The following PRR5L variants were observed in gnomAD, a reference collection of about 807,000 sequenced individuals.
PRR5L encodes the protein proline rich 5 like, also known as proline-rich protein 5-like.
In PRR5L, 21 loss-of-function variants were observed where a neutral mutation model predicts 36.4. The observed-to-expected ratio is 0.58, with a 90% CI of 0.41 to 0.83. The LOEUF (loss-of-function observed/expected upper bound fraction) is 0.83. Ranked by LOEUF, PRR5L falls within the 40% of genes least tolerant of loss-of-function variation. PRR5L has a pLI of 0.00. For missense variants in PRR5L, 381 were observed against 473.3 expected (o/e 0.80, Z 1.81); for synonymous variants, 188 against 197.0 (o/e 0.95, Z 0.38).
chr11:36,361,156 AT>A (rs1857083418), intron 1 of PRR5L, among the ~76,000 whole-genome samples: 1 of 152,140 alleles, frequency 6.6e-6, no homozygotes, highest in Admixed American at 6.5e-5. Flanking sequence ...TTAATATATT[AT>A]TTGCCTTTTC....
At chr11:36,310,488 G>T (rs997025212) in intron 1 of PRR5L, among the ~76,000 whole-genome samples, 3 of 152,142 alleles carry the variant, frequency 2.0e-5, no homozygotes, top group African/African-American at 7.2e-5. Context: ...AATTTATTTG[G>T]AAGGTTACTG....
At chr11:36,388,207 C>T (rs1463070850) in intron 1 of PRR5L, 1 of 152,212 alleles carries the variant, frequency 6.6e-6, no homozygotes, top group Non-Finnish European at 1.5e-5. Context: ...TATGTTCCTG[C>T]ACAGGGTCAC....
rs1858214638 is a variant in PRR5L, at chr11:36,419,317, A to T, written c.294+14A>T. 2 of 1,611,602 alleles carry T rather than the reference A, an allele frequency of 1.2e-6. No individual in the cohort carries two copies. Among genetic ancestry groups the T allele is most frequent in the African/African-American group, 2.7e-5 (2 of 74,822 alleles). On this transcript the variant is annotated intron_variant, in intron 4 of 8. Coordinates refer to ENST00000530639, the MANE Select transcript of PRR5L (RefSeq NM_001160167.2). ...GACTATTTTCAGGTAAGCTGTGTGG[A>T]TCTGAGCATCCATCATTATCATGCA...
At position 36,377,079 on chromosome 11, in the gene PRR5L, ACT is replaced by A. The variant is rs1277720045; in HGVS notation, c.-125-23912_-125-23911del. ...TCGAAAAAGAAAGTCGGCTTGTTTG[ACT>A]CTCTCGTTCTCCCTCTGGGGGGCAA... On this transcript the variant is annotated intron_variant, in intron 1 of 8. Coordinates refer to ENST00000530639, the MANE Select transcript of PRR5L (RefSeq NM_001160167.2). This position sits in a 1 kb window ranked among gnomAD's most constrained non-coding sequence, Gnocchi z 5.1. Among the ~76,000 whole-genome samples, 1 of 151,000 alleles carries A rather than the reference ACT, an allele frequency of 6.6e-6. No individual in the cohort carries two copies. The highest frequency in any genetic ancestry group is 2.4e-5 in the African/African-American group (1 of 41,052).
chr11:36,306,137 T>G (rs779358803), intron 1 of PRR5L, among the ~76,000 whole-genome samples: 2 of 152,174 alleles, frequency 1.3e-5, no homozygotes, highest in Non-Finnish European at 2.9e-5. Flanking sequence ...CTAGGGTACA[T>G]GTGCACAACG....
intron 1 of PRR5L, among the ~76,000 whole-genome samples, chr11:36,353,726 A>T (rs931609961): frequency 6.6e-6 from 1 of 152,202 alleles, no homozygotes; most frequent in African/African-American, 2.4e-5. Context: ...TAGCGCTCCT[A>T]TAAGAATTTA....
intron 1 of PRR5L, among the ~76,000 whole-genome samples, chr11:36,328,094 A>T (rs1856683171): frequency 6.6e-6 from 1 of 152,234 alleles, no homozygotes; most frequent in Non-Finnish European, 1.5e-5. Context: ...ACAGATTAGC[A>T]ATATTCATGT....
intron 1 of PRR5L, among the ~76,000 whole-genome samples, chr11:36,398,047 G>C (rs1590534119): frequency 6.6e-6 from 1 of 152,112 alleles, no homozygotes; most frequent in African/African-American, 2.4e-5. Flanking sequence ...CACCCACCTC[G>C]GCCTCCCAAA....
intron 1 of PRR5L, among the ~76,000 whole-genome samples, chr11:36,369,374 T>G (rs1391505677): frequency 6.6e-6 from 1 of 152,110 alleles, no homozygotes; most frequent in Non-Finnish European, 1.5e-5. Context: ...AAGGACACTT[T>G]GATTGGCACA....
At chr11:36,449,643 G>T (rs1858903903) in intron 7 of PRR5L, among the ~76,000 whole-genome samples, 1 of 152,168 alleles carries the variant, frequency 6.6e-6, no homozygotes, top group Non-Finnish European at 1.5e-5. Context: ...GTACTCAGAG[G>T]ACCCTGAGCT....
chr11:36,446,335 G>A lies in PRR5L; in HGVS notation c.480G>A (p.Leu160=), dbSNP rs1265684729. ...QELTIRQISL[L]GFRDLVLLKV... is the part of the protein sequence containing the mutation. ...TGACTATCCGCCAGATCTCCCTGCT[G>A]GGCTTCCGAGACCTAGTCTTGCTGA... Residue 160 remains leucine, a synonymous_variant, in exon 7 of 9, where the codon CTG becomes CTA. Coordinates refer to ENST00000530639, the MANE Select transcript of PRR5L (RefSeq NM_001160167.2). The A allele has an allele frequency of 1.9e-6, 3 of 1,614,050 alleles. No homozygotes were observed.
chr11:36,364,098 G>C (rs1045113801), intron 1 of PRR5L, among the ~76,000 whole-genome samples: 2 of 152,124 alleles, frequency 1.3e-5, no homozygotes, highest in African/African-American at 4.8e-5. Flanking sequence ...GCCATTTGCT[G>C]TGTGACTTTG....
rs1442552399 is a variant in PRR5L at position 36,351,513 on chromosome 11, A to T, written c.-125-49484A>T. Among the ~76,000 whole-genome samples, 5 of 9,658 alleles carry T rather than the reference A, an allele frequency of 5.2e-4. 2 individuals are homozygous for T. In the South Asian group the frequency reaches 8.5e-3, roughly 16 times the overall value. 6.3% of individuals were successfully genotyped at this position (9,658 alleles called of 152,430 possible). A position where few individuals can be genotyped will look rare whatever the true frequency, so the allele number is the denominator to read the frequency against. On this transcript the variant is annotated intron_variant, in intron 1 of 8. Transcript: ENST00000530639. The stretch of plus-strand genomic sequence containing the variant: ...TATTTATATATATTTTTATATATTT[A>T]TATATATTTATATATTTATATAAAT...
At chr11:36,386,833 G>T (rs1283222304) in intron 1 of PRR5L, among the ~76,000 whole-genome samples, 1 of 152,200 alleles carries the variant, frequency 6.6e-6, no homozygotes, top group Non-Finnish European at 1.5e-5. Context: ...GATGCAAATG[G>T]AGGCTTGACA....
rs564797242 is a variant in PRR5L, at chr11:36,435,873, T to A, written c.353-1512T>A. Among the ~76,000 whole-genome samples, 17 of 152,330 alleles carry A rather than the reference T, an allele frequency of 1.1e-4. 1 individual carries two copies. The Middle Eastern group carries it at 0.01, about 91-fold the overall frequency. ...TTTCCATCCATTCACGCAAAGATTT[T>A]AAAAGATTGATTTATTGAAGTGGCT... On this transcript the variant is annotated intron_variant, in intron 5 of 8. Transcript: ENST00000530639.
intron 4 of PRR5L, among the ~76,000 whole-genome samples, chr11:36,420,564 T>C (rs1858241336): frequency 6.6e-6 from 1 of 152,220 alleles, no homozygotes; most frequent in Non-Finnish European, 1.5e-5. Context: ...AAGACAGTAA[T>C]AAGTGCTTAT....
chr11:36,341,051 T>C (rs1856812214), intron 1 of PRR5L, among the ~76,000 whole-genome samples: 1 of 152,144 alleles, frequency 6.6e-6, no homozygotes, highest in Non-Finnish European at 1.5e-5. Flanking sequence ...CATCCCAGAT[T>C]CTCTCCGGGA....
At chr11:36,438,289 A>G (rs542140253) in intron 6 of PRR5L, among the ~76,000 whole-genome samples, 1 of 152,002 alleles carries the variant, frequency 6.6e-6, no homozygotes, top group East Asian at 1.9e-4. Context: ...CTCTCCTCCC[A>G]CTGGGGTTGA....
At chr11:36,296,661 C>G (rs1856314679) in intron 1 of PRR5L, among the ~76,000 whole-genome samples, 1 of 152,210 alleles carries the variant, frequency 6.6e-6, no homozygotes, top group African/African-American at 2.4e-5. Flanking sequence ...TTCAGTGCCT[C>G]TGATATCTCT....
Sources: allele counts gnomAD v4.1 joint callset (sites outside exome capture counted in the v4.1 genomes callset), GRCh38; gene constraint gnomAD v4.1.1; non-coding constraint Gnocchi (gnomAD v3.1); transcripts MANE v1.5; gene names NCBI Gene and HGNC (gene_info 2026-07-23, HGNC 2026-07-21).